The following C6orf136 variants were observed in gnomAD, a reference collection of about 807,000 sequenced individuals.
C6orf136 encodes chromosome 6 open reading frame 136.
In C6orf136, 29 loss-of-function variants were observed where a neutral mutation model predicts 44.0. That is an observed-to-expected ratio of 0.66 (90% CI 0.49 to 0.90). The LOEUF (loss-of-function observed/expected upper bound fraction) is 0.90, where lower values mean the gene tolerates loss of function less well. C6orf136 is among the 40% of genes least tolerant of loss of function. The probability of loss-of-function intolerance (pLI) is 0.00; values close to 1 mark genes in which losing one functional copy is unlikely to be tolerated. For synonymous variants in C6orf136, 293 were observed against 278.6 expected, an observed-to-expected ratio of 1.05 and a Z score of -0.52; for missense variants, 628 against 669.3, an observed-to-expected ratio of 0.94 and a Z score of 0.68.
chr6:30,652,913 T>G lies in C6orf136; in HGVS notation c.1489T>G (p.Ter497GlyextTer10). The change falls in exon 6 of 6, where the codon TGA (stop) becomes GGA (glycine). Residue 497 changes from the stop codon to glycine, a stop_lost. Transcript: ENST00000651131. Reference sequence around the variant, plus strand: ...TGACTTAAACCTGTGTTCCAAGCCCTGATCCTTGACCTTGGAGTGGAGGCA... The same window carrying G: ...TGACTTAAACCTGTGTTCCAAGCCCGGATCCTTGACCTTGGAGTGGAGGCA... ...EPDLNLCSKP[*>G] The G allele has an allele frequency of 6.2e-7, 1 of 1,611,992 alleles. No homozygotes were observed. The highest frequency in any genetic ancestry group is 8.5e-7 in the Non-Finnish European group (1 of 1,179,238).
chr6:30,653,023 T>C lies in C6orf136; in HGVS notation c.*108T>C. On this transcript the variant is annotated 3_prime_UTR_variant, in exon 6 of 6. Coordinates refer to ENST00000651131, the MANE Select transcript of C6orf136 (RefSeq NM_001161376.2). ...CAGCTTCCTCTCCTCGTTTCTCTCCTTCCTTCCTTTCCATCTCATGCTGTG... is the reference window on the plus strand; with the variant it reads ...CAGCTTCCTCTCCTCGTTTCTCTCCCTCCTTCCTTTCCATCTCATGCTGTG... 8.7e-7 allele frequency: 1 copy of C among 1,149,848 alleles called. No individual in the cohort carries two copies. Among genetic ancestry groups the C allele is most frequent in the Non-Finnish European group, 1.3e-6 (1 of 793,856 alleles). The allele number at this position is 1,149,848 out of a possible 1,614,324, so 71.2% of individuals were successfully genotyped here.
In C6orf136 at chr6:30,652,025, C is replaced by T. The variant is rs1269938601; in HGVS notation, c.1307+559C>T. Reference sequence around the variant, plus strand: ...CAGCACTTTGGGAGGCCGAGGTGGGCGGATCACTTGAGGTAAGGAGTTGGA... The same window carrying T: ...CAGCACTTTGGGAGGCCGAGGTGGGTGGATCACTTGAGGTAAGGAGTTGGA... On this transcript the variant is annotated intron_variant, in intron 4 of 5. Coordinates refer to ENST00000651131, the MANE Select transcript of C6orf136 (RefSeq NM_001161376.2). Among the ~76,000 whole-genome samples the T allele has an allele frequency of 4.0e-5, 6 of 151,662 alleles. No homozygotes were observed. The South Asian group carries it at 8.3e-4, about 21-fold the overall frequency.
At position 30,652,722 on chromosome 6, in the gene C6orf136, G is replaced by GT. The variant is rs769643913; in HGVS notation, c.1377+6dup. 2.5e-6 allele frequency: 4 copies of GT among 1,612,894 alleles called. No homozygotes were observed. Among genetic ancestry groups the GT allele is most frequent in the Non-Finnish European group, 3.4e-6 (4 of 1,180,008 alleles). The stretch of plus-strand genomic sequence containing the variant: ...TGTCGCCATCGTCTAGATAAAGTGA[G>GT]TCCTAGGTAGGGCTGGGTGGGGTAA... On this transcript the variant is annotated splice_donor_region_variant and intron_variant, in intron 5 of 5. Transcript: ENST00000651131.
At position 30,653,064 on chromosome 6, in the gene C6orf136, A is replaced by G; in HGVS notation, c.*149A>G. On this transcript the variant is annotated 3_prime_UTR_variant, in exon 6 of 6. Coordinates refer to ENST00000651131, the MANE Select transcript of C6orf136 (RefSeq NM_001161376.2). The stretch of plus-strand genomic sequence containing the variant: ...TCATGCTGTGTAAAGCTGCTGTGTA[A>G]TTTAACTTGTAAATAATAAAGTTTA... 9.4e-7 allele frequency: 1 copy of G among 1,068,198 alleles called. No homozygotes were observed. Among genetic ancestry groups the G allele is most frequent in the African/African-American group, 1.6e-5 (1 of 62,184 alleles). The allele number at this position is 1,068,198 out of a possible 1,614,324, so 66.2% of individuals were successfully genotyped here. A position where few individuals can be genotyped will look rare whatever the true frequency, so the allele number is the denominator to read the frequency against.
At chr6:30,648,173 C>T (rs1258466955) in intron 1 of C6orf136, among the ~76,000 whole-genome samples, 3 of 152,184 alleles carry the variant, frequency 2.0e-5, no homozygotes, top group Non-Finnish European at 4.4e-5. Context: ...GAAGCGGAGG[C>T]ATAGGGAATG....
rs1204397338 is a variant in C6orf136, at chr6:30,647,590, G to C, written c.359G>C (p.Arg120Pro). 7.8e-6 allele frequency: 12 copies of C among 1,543,212 alleles called. No homozygotes were observed. The East Asian group carries it at 2.7e-4, about 35-fold the overall frequency. The change falls in exon 1 of 6, where the codon CGG becomes CCG. Residue 120 changes from arginine (R) to proline (P), a missense_variant. Arg to Pro is a moderately radical substitution (Grantham distance 103). Around this residue, in one of 2 missense-constraint regions of C6orf136, gnomAD observed 497 missense variants for 469.2 expected, o/e 1.06. Coordinates refer to ENST00000651131, the MANE Select transcript of C6orf136 (RefSeq NM_001161376.2). This position sits in a 1 kb window ranked among gnomAD's most constrained non-coding sequence, Gnocchi z 4.8. ...GTCTGCGTTGCGCCCGACTCTCCGC[G>C]GTTACCTGTGCCTAGAGGTGATTTG... is the stretch of plus-strand genomic sequence containing the variant. ...GRVCVAPDSP[R>P]LPVPRGDLKG... is the part of the protein sequence containing the mutation.
Position 30,647,651 on chromosome 6 carries a change from G to A in C6orf136, c.420G>A (p.Ala140=). The A allele has an allele frequency of 6.5e-7, 1 of 1,549,998 alleles. No individual in the cohort carries two copies. The highest frequency in any genetic ancestry group is 8.7e-7 in the Non-Finnish European group (1 of 1,146,610). ...GRGREIRSPA[A]APSRSSPAQT... is the part of the protein sequence containing the mutation. ...GCCGAGAGATTCGTAGCCCTGCTGC[G>A]GCGCCGTCCCGGAGTTCCCCGGCCC... Residue 140 remains alanine, a synonymous_variant, in exon 1 of 6, where the codon GCG becomes GCA. Coordinates refer to ENST00000651131, the MANE Select transcript of C6orf136 (RefSeq NM_001161376.2). The surrounding 1 kb of genome is among the most constrained non-coding windows in gnomAD (Gnocchi z 4.8).
At chr6:30,651,139 C>A in intron 3 of C6orf136, 57 bp downstream of exon 3, 1 of 1,559,930 alleles carries the variant, frequency 6.4e-7, no homozygotes, top group Non-Finnish European at 8.8e-7. Context: ...AAGGTATATA[C>A]ATGACCCTTT....
At position 30,647,372 on chromosome 6, in the gene C6orf136, G is replaced by T; in HGVS notation, c.141G>T (p.Gly47=). 6.7e-7 allele frequency: 1 copy of T among 1,503,608 alleles called. No individual in the cohort carries two copies. The allele number at this position is 1,503,608 out of a possible 1,614,324, so 93.1% of individuals were successfully genotyped here. A position where few individuals can be genotyped will look rare whatever the true frequency, so the allele number is the denominator to read the frequency against. The part of the protein sequence containing the change: ...GERPSSKPVR[G]AERALGSAQA... ...GACCCTCCTCAAAGCCGGTGCGTGGGGCGGAGCGCGCGCTGGGTTCCGCGC... is the reference window on the plus strand; with the variant it reads ...GACCCTCCTCAAAGCCGGTGCGTGGTGCGGAGCGCGCGCTGGGTTCCGCGC... The change falls in exon 1 of 6, where the codon GGG becomes GGT. Residue 47 remains glycine, a synonymous_variant. Transcript: ENST00000651131. The surrounding 1 kb of genome is among the most constrained non-coding windows in gnomAD (Gnocchi z 4.8).
Position 30,649,884 on chromosome 6 carries a change from T to C in C6orf136, c.942T>C (p.Pro314=). 1 of 1,613,866 alleles carries C rather than the reference T, an allele frequency of 6.2e-7. No homozygotes were observed. The highest frequency in any genetic ancestry group is 8.5e-7 in the Non-Finnish European group (1 of 1,179,872). ...IPFQVPGTAH[P]SPATPSGDPS... is the part of the protein sequence containing the mutation. ...TCCAAGTCCCTGGAACTGCCCACCC[T>C]TCCCCTGCCACCCCGTCAGGAGATC... The change falls in exon 2 of 6, where the codon CCT becomes CCC. Residue 314 remains proline, a synonymous_variant. Coordinates refer to ENST00000651131, the MANE Select transcript of C6orf136 (RefSeq NM_001161376.2).
Position 30,647,507 on chromosome 6 carries a change from G to A in C6orf136, c.276G>A (p.Thr92=), listed in dbSNP as rs116816200. 0.027 allele frequency: 41,309 copies of A among 1,502,532 alleles called. 689 individuals carry two copies. Among genetic ancestry groups the A allele is most frequent in the Non-Finnish European group, 0.033 (37,123 of 1,119,214 alleles). The allele number at this position is 1,502,532 out of a possible 1,614,324, so 93.1% of individuals were successfully genotyped here. Residue 92 remains threonine (T), a synonymous_variant, in exon 1 of 6, where the codon ACG becomes ACA. Coordinates refer to ENST00000651131, the MANE Select transcript of C6orf136 (RefSeq NM_001161376.2). The surrounding 1 kb of genome is among the most constrained non-coding windows in gnomAD (Gnocchi z 4.8). ...GRRCRACRAR[T]SVLPGLRAVR... is the part of the protein sequence containing the mutation. ...GCTGCCGGGCCTGTCGCGCAAGGAC[G>A]TCGGTCCTCCCAGGTTTGAGGGCGG... is the stretch of plus-strand genomic sequence containing the variant.
At chr6:30,652,753 A>G (rs990497775) in intron 5 of C6orf136, 36 bp downstream of exon 5, 15 of 1,612,410 alleles carry the variant, frequency 9.3e-6, no homozygotes, top group Admixed American at 1.7e-5. Flanking sequence ...GGTAAAGGGT[A>G]GAACATTTGT....
intron 5 of C6orf136, 38 bp from the exon 6 acceptor site, chr6:30,652,764 G>T: frequency 1.2e-6 from 2 of 1,611,982 alleles, no homozygotes; most frequent in Non-Finnish European, 1.7e-6. Flanking sequence ...GAACATTTGT[G>T]TGCCTCCCCC....
At chr6:30,650,061 G>A in intron 2 of C6orf136, 102 bp downstream of exon 2, 1 of 1,044,294 alleles carries the variant, frequency 9.6e-7, no homozygotes. Context: ...GAACCATGAG[G>A]CAGGCATAGA....
chr6:30,651,221 CTAATTCTGCCATCATGAGA>C, intron 3 of C6orf136, 26 bp from the exon 4 acceptor site: 1 of 1,610,234 alleles, frequency 6.2e-7, no homozygotes, highest in Non-Finnish European at 8.5e-7. Context: ...GTTTGGTTTT[CTAATTCTGCCATCATGAGA>C]TTTCTTTCCC....
In C6orf136 at chr6:30,647,671, C is replaced by T; in HGVS notation, c.440C>T (p.Pro147Leu). The T allele has an allele frequency of 1.3e-6, 2 of 1,550,032 alleles. No individual in the cohort carries two copies. The highest frequency in any genetic ancestry group is 1.4e-5 in the African/African-American group (1 of 73,138). ...GCTGCGGCGCCGTCCCGGAGTTCCC[C>T]GGCCCAGACCAGACCCGCGGGGCGC... The part of the protein sequence containing the change: ...SPAAAPSRSS[P>L]AQTRPAGRPQ... The change falls in exon 1 of 6, where the codon CCG (proline) becomes CTG (leucine). Residue 147 changes from proline to leucine, a missense_variant. By Grantham distance (98) the Pro-to-Leu change is moderately conservative (BLOSUM62 -3). Coordinates refer to ENST00000651131, the MANE Select transcript of C6orf136 (RefSeq NM_001161376.2). This position sits in a 1 kb window ranked among gnomAD's most constrained non-coding sequence, Gnocchi z 4.8.
rs756804188 is a variant in C6orf136, at chr6:30,647,338, G to A, written c.107G>A (p.Gly36Asp). The A allele has an allele frequency of 4.5e-6, 7 of 1,566,768 alleles. No homozygotes were observed. The highest frequency in any genetic ancestry group is 1.9e-5 in the Admixed American group (1 of 52,570). Reference protein sequence around the residue: ...SGGEEGGRRGGGERPSSKPVR... With the variant: ...SGGEEGGRRGDGERPSSKPVR... The stretch of plus-strand genomic sequence containing the variant: ...GGAGAAGAGGGAGGGAGGAGAGGGG[G>A]CGGGGAGAGACCCTCCTCAAAGCCG... The change falls in exon 1 of 6, where the codon GGC becomes GAC. Residue 36 changes from glycine (G) to aspartate (D), a missense_variant. Gly to Asp is a moderately conservative substitution (Grantham distance 94, BLOSUM62 -1). Around this residue, in one of 2 missense-constraint regions of C6orf136, gnomAD observed 497 missense variants for 469.2 expected, o/e 1.06. Coordinates refer to ENST00000651131, the MANE Select transcript of C6orf136 (RefSeq NM_001161376.2). The surrounding 1 kb of genome is among the most constrained non-coding windows in gnomAD (Gnocchi z 4.8).
Position 30,652,965 on chromosome 6 carries a change from A to G in C6orf136, c.*50A>G. 1 of 1,524,478 alleles carries G rather than the reference A, an allele frequency of 6.6e-7. No homozygotes were observed. Among genetic ancestry groups the G allele is most frequent in the East Asian group, 2.3e-5 (1 of 44,366 alleles). The allele number at this position is 1,524,478 out of a possible 1,614,324, so 94.4% of individuals were successfully genotyped here. On this transcript the variant is annotated 3_prime_UTR_variant, in exon 6 of 6. Coordinates refer to ENST00000651131, the MANE Select transcript of C6orf136 (RefSeq NM_001161376.2). Reference sequence around the variant, plus strand: ...CACTGAAGACTGCTACGCCCAAGAGAAGGAGGTGGAGGCAGCCAAGAATCT... The same window carrying G: ...CACTGAAGACTGCTACGCCCAAGAGGAGGAGGTGGAGGCAGCCAAGAATCT...
rs776362981 is a variant in C6orf136, at chr6:30,649,611, G to A, written c.669G>A (p.Thr223=). ...LPFPPLWPHS[T]TTTSPSSPLF... The stretch of plus-strand genomic sequence containing the variant: ...TCCCACCCCTTTGGCCCCACTCCAC[G>A]ACAACCACTTCCCCATCTTCTCCTC... The change falls in exon 2 of 6, where the codon ACG becomes ACA. Residue 223 remains threonine (T), a synonymous_variant. Transcript: ENST00000651131. The A allele has an allele frequency of 5.0e-6, 8 of 1,595,458 alleles. No individual in the cohort carries two copies. The East Asian group carries it at 6.7e-5, about 13-fold the overall frequency.
Sources: gnomAD v4.1 joint callset for allele counts (sites outside exome capture counted in the v4.1 genomes callset) on GRCh38, gnomAD v4.1.1 for gene constraint, gnomAD v4.1.1 regional missense constraint, Gnocchi (gnomAD v3.1) non-coding constraint, MANE v1.5 for transcripts, NCBI Gene and HGNC (gene_info 2026-07-23, HGNC 2026-07-21) for gene names.